The following PATJ variants were observed in gnomAD, a reference collection of about 807,000 sequenced individuals.
The protein encoded by PATJ is inaD-like protein.
Under a neutral mutation model 224.9 loss-of-function variants are expected in PATJ, and 190 were observed. The observed-to-expected ratio is 0.84, with a 90% CI of 0.75 to 0.95. The LOEUF (loss-of-function observed/expected upper bound fraction) is 0.95, where lower values mean the gene tolerates loss of function less well. Among genes scored for constraint, PATJ ranks in the 40% least tolerant of loss-of-function variants. The pLI is 0.00. For missense variants in PATJ, 2,121 were observed against 2,270.3 expected (o/e 0.93, Z 1.34); for synonymous variants, 769 against 820.3 (o/e 0.94, Z 1.07).
chr1:61,922,066 G>T (rs1406387183), intron 26 of PATJ, among the ~76,000 whole-genome samples: 7 of 151,648 alleles, frequency 4.6e-5, no homozygotes, highest in Admixed American at 3.9e-4. Context: ...TTTTCAAAAT[G>T]GAGTCTCCCT....
chr1:61,967,001 A>G (rs1682267080), intron 27 of PATJ, among the ~76,000 whole-genome samples: 3 of 152,060 alleles, frequency 2.0e-5, no homozygotes, highest in Non-Finnish European at 2.9e-5. Flanking sequence ...TATGACCTGT[A>G]TCTTGTGCTG....
At chr1:61,838,669 C>T (rs116406722) in intron 17 of PATJ, among the ~76,000 whole-genome samples, 1,800 of 151,534 alleles carry the variant, frequency 0.012, 33 homozygotes, top group African/African-American at 0.042. Flanking sequence ...TGCGCCCGGC[C>T]GACTGAGTAC....
At position 61,864,625 on chromosome 1, in the gene PATJ, GA is replaced by G; in HGVS notation, c.2831del (p.Asn944MetfsTer2). 6.3e-7 allele frequency: 1 copy of G among 1,589,422 alleles called. No individual in the cohort carries two copies. On this transcript the variant is annotated frameshift_variant, in exon 20 of 44. Transcript: ENST00000642238. LOFTEE classifies it high-confidence loss of function. ...QEAQPYGYCP[E>X]NVMKENFVME... ...GGCACAGCCGTATGGCTATTGCCCT[GA>G]AAATGTGGTAAGAGATTAGAATAGA...
At chr1:62,127,392 C>A (rs1281087300) in intron 39 of PATJ, among the ~76,000 whole-genome samples, 1 of 149,842 alleles carries the variant, frequency 6.7e-6, no homozygotes, top group South Asian at 2.1e-4. Flanking sequence ...TTCTTCATAG[C>A]CTTTCCGGGC....
At chr1:61,856,810 C>G (rs147257629) in intron 18 of PATJ, among the ~76,000 whole-genome samples, 2,663 of 152,252 alleles carry the variant, frequency 0.017, 89 homozygotes, top group African/African-American at 0.061. Flanking sequence ...CCAGGCTGGT[C>G]TTGAAGTCCT....
chr1:62,003,909 C>G (rs1258678173), intron 28 of PATJ, among the ~76,000 whole-genome samples: 1 of 152,122 alleles, frequency 6.6e-6, no homozygotes. Flanking sequence ...CTCCCCACCC[C>G]GAAAGCTACA....
At chr1:61,770,928 G>T (rs1029952422) in intron 5 of PATJ, among the ~76,000 whole-genome samples, 7 of 147,670 alleles carry the variant, frequency 4.7e-5, no homozygotes, top group Admixed American at 1.4e-4. Context: ...AAAAAAAAAA[G>T]CTCAGATATA....
intron 27 of PATJ, among the ~76,000 whole-genome samples, 182 bp downstream of exon 27, chr1:61,928,011 A>C (rs569745261): frequency 2.6e-4 from 40 of 152,288 alleles, no homozygotes; most frequent in African/African-American, 9.1e-4. Context: ...TTTCCCTTGG[A>C]CACTGAGAAA....
At chr1:61,841,611 T>TC (rs1418289168) in intron 17 of PATJ, among the ~76,000 whole-genome samples, 5 of 151,382 alleles carry the variant, frequency 3.3e-5, no homozygotes, top group African/African-American at 7.3e-5. Context: ...TTTTTTTTTT[T>TC]TGGGAGCTCT....
chr1:62,001,701 T>A (rs1645784842), intron 28 of PATJ, among the ~76,000 whole-genome samples: 1 of 152,018 alleles, frequency 6.6e-6, no homozygotes, highest in Admixed American at 6.6e-5. Context: ...TTTAAAGTAG[T>A]TTTTTCCAAT....
intron 33 of PATJ, among the ~76,000 whole-genome samples, chr1:62,088,077 G>C (rs1012297005): frequency 6.6e-6 from 1 of 151,970 alleles, no homozygotes; most frequent in African/African-American, 2.4e-5. Context: ...TTTTAGTAGA[G>C]ACGGGGTTTC....
chr1:61,743,279 G>A (rs928967514), intron 1 of PATJ, among the ~76,000 whole-genome samples: 1 of 152,198 alleles, frequency 6.6e-6, no homozygotes, highest in Non-Finnish European at 1.5e-5. Context: ...GCTCAGGAAA[G>A]CATTTTCAGA....
At position 62,116,537 on chromosome 1, in the gene PATJ, G is replaced by A; in HGVS notation, c.4661G>A (p.Gly1554Glu). The A allele has an allele frequency of 2.5e-6, 4 of 1,613,992 alleles. No homozygotes were observed. Among genetic ancestry groups the A allele is most frequent in the Non-Finnish European group, 3.4e-6 (4 of 1,179,960 alleles). The change falls in exon 36 of 44, where the codon GGA becomes GAA. Residue 1554 changes from glycine (G) to glutamate (E), a missense_variant. Gly to Glu is a moderately conservative substitution (Grantham distance 98). Coordinates refer to ENST00000642238, the MANE Select transcript of PATJ (RefSeq NM_001350145.3). Reference sequence around the variant, plus strand: ...CTGCTGTATGGTATTAACAGAAATGGAAGCGGAGTGTTTATTTCTGACATC... The same window carrying A: ...CTGCTGTATGGTATTAACAGAAATGAAAGCGGAGTGTTTATTTCTGACATC... Reference protein sequence around the residue: ...LGLSIVGKRNGSGVFISDIVK... With the variant: ...LGLSIVGKRNESGVFISDIVK...
intron 18 of PATJ, among the ~76,000 whole-genome samples, chr1:61,858,682 C>G (rs568233902): frequency 1.2e-4 from 19 of 152,314 alleles, no homozygotes; most frequent in Admixed American, 1.2e-3. Context: ...CCAGGCCCCA[C>G]CTCTAGCTTT....
chr1:61,885,839 A>C (rs924721022), intron 22 of PATJ, among the ~76,000 whole-genome samples: 1 of 151,898 alleles, frequency 6.6e-6, no homozygotes, highest in Admixed American at 6.6e-5. Context: ...ATGGAATATT[A>C]TGCAGCCATA....
chr1:61,838,327 A>G (rs1159538268), intron 17 of PATJ, among the ~76,000 whole-genome samples: 1 of 151,768 alleles, frequency 6.6e-6, no homozygotes, highest in African/African-American at 2.4e-5. Context: ...TGTCAAGAGC[A>G]TGAATATGAT....
chr1:61,988,143 G>C (rs1030804430), intron 27 of PATJ, among the ~76,000 whole-genome samples: 1 of 152,108 alleles, frequency 6.6e-6, no homozygotes, highest in Non-Finnish European at 1.5e-5. Context: ...AGGTTGCCCT[G>C]ACCCAAGATC....
chr1:62,128,716 G>A (rs1665973593), intron 40 of PATJ, 125 bp from the exon 41 acceptor site: 1 of 707,260 alleles, frequency 1.4e-6, no homozygotes. Flanking sequence ...TGCATGCACG[G>A]TAGTAACGCA....
intron 24 of PATJ, 37 bp downstream of exon 24, chr1:61,901,496 T>C: frequency 7.1e-7 from 1 of 1,405,988 alleles, no homozygotes; most frequent in Non-Finnish European, 9.8e-7. Flanking sequence ...ATTGGAAACA[T>C]ACGGTAAGAC....
Sources: gnomAD v4.1 joint callset for allele counts (sites outside exome capture counted in the v4.1 genomes callset) on GRCh38, gnomAD v4.1.1 for gene constraint, MANE v1.5 for transcripts, NCBI Gene and HGNC (gene_info 2026-07-23, HGNC 2026-07-21) for gene names.